ERG: variants seen among roughly 807,000 people sequenced by gnomAD.
ERG encodes the protein transcriptional regulator ERG.
Under a neutral mutation model 55.3 loss-of-function variants are expected in ERG, and 9 were observed. The observed-to-expected ratio is 0.16, with a 90% CI of 0.10 to 0.28. ERG has a LOEUF of 0.28. Ranked by LOEUF, ERG falls within the 10% of genes least tolerant of loss-of-function variation. The pLI, the probability that ERG is intolerant of heterozygous loss-of-function variation, is 1.00. For synonymous variants in ERG, 223 were observed against 237.3 expected, an observed-to-expected ratio of 0.94 and a Z score of 0.55; for missense variants, 434 against 631.6, an observed-to-expected ratio of 0.69 and a Z score of 3.35.
chr21:38,532,573 T>C (rs1037450187), intron 2 of ERG, among the ~76,000 whole-genome samples: 2 of 152,176 alleles, frequency 1.3e-5, no homozygotes, highest in African/African-American at 4.8e-5. Flanking sequence ...GAAGGAGCTT[T>C]AAGGAACTGG....
chr21:38,430,890 T>C (rs1276215288), intron 2 of ERG, among the ~76,000 whole-genome samples: 4 of 152,178 alleles, frequency 2.6e-5, no homozygotes, highest in African/African-American at 9.6e-5. Context: ...TCCATGGCAT[T>C]TGGTCATAAC....
intron 3 of ERG, among the ~76,000 whole-genome samples, chr21:38,406,314 T>C (rs1329831433): frequency 6.6e-6 from 1 of 152,208 alleles, no homozygotes; most frequent in African/African-American, 2.4e-5. Context: ...AACATGTTGT[T>C]AGTCTGTGAA....
At chr21:38,476,339 G>C (rs137931811) in intron 1 of ERG, among the ~76,000 whole-genome samples, 2,128 of 152,236 alleles carry the variant, frequency 0.014, 49 homozygotes, top group African/African-American at 0.05. Flanking sequence ...CAAGTGCCTC[G>C]CTTCAGGGGT....
chr21:38,528,217 C>T (rs28663998), intron 2 of ERG, among the ~76,000 whole-genome samples: 29,792 of 152,008 alleles, frequency 0.2, 2,951 homozygotes, highest in South Asian at 0.24. Flanking sequence ...GGATTAGGGG[C>T]CCACCCTACT....
chr21:38,382,108 A>T lies in ERG; in HGVS notation c.*1295T>A. 1 of 1,055,762 alleles carries T rather than the reference A, an allele frequency of 9.5e-7. No homozygotes were observed. Among genetic ancestry groups the T allele is most frequent in the Non-Finnish European group, 1.1e-6 (1 of 873,158 alleles). 65.4% of individuals were successfully genotyped at this position (1,055,762 alleles called of 1,614,324 possible). A position where few individuals can be genotyped will look rare whatever the true frequency, so the allele number is the denominator to read the frequency against. ...GAACTAATAACTTCATATTGTAAAC[A>T]TTAAGCATACAGAGTTAAAATTCAA... is the stretch of plus-strand genomic sequence containing the variant. On this transcript the variant is annotated 3_prime_UTR_variant, in exon 10 of 10. Transcript: ENST00000288319.
intron 1 of ERG, among the ~76,000 whole-genome samples, chr21:38,623,916 T>C (rs117394940): frequency 0.026 from 3,890 of 152,196 alleles, 78 homozygotes; most frequent in Non-Finnish European, 0.041. Flanking sequence ...GTTCATAATT[T>C]CCTCCCAAGC....
intron 1 of ERG, among the ~76,000 whole-genome samples, chr21:38,658,091 G>A (rs57208731): frequency 0.061 from 9,277 of 152,216 alleles, 684 homozygotes; most frequent in African/African-American, 0.17. Flanking sequence ...TGCTCCCTGG[G>A]AAAGCCCAAG....
intron 2 of ERG, among the ~76,000 whole-genome samples, chr21:38,504,554 T>A (rs2059446062): frequency 1.3e-5 from 2 of 152,236 alleles, no homozygotes; most frequent in Admixed American, 1.3e-4. Flanking sequence ...TTGGAAACCA[T>A]TAAATGAGTT....
At chr21:38,495,553 C>T (rs577128116) in intron 1 of ERG, among the ~76,000 whole-genome samples, 26 of 152,318 alleles carry the variant, frequency 1.7e-4, no homozygotes, top group African/African-American at 5.8e-4. Context: ...TCCCTTTTTA[C>T]ACATTAAGTA....
chr21:38,578,366 A>G (rs2836535), intron 1 of ERG, among the ~76,000 whole-genome samples: 13,531 of 152,260 alleles, frequency 0.089, 732 homozygotes, highest in Admixed American at 0.17. Flanking sequence ...AAGTACAAAG[A>G]TGGTTCCAAC....
chr21:38,482,376 C>A (rs893484188), intron 1 of ERG, among the ~76,000 whole-genome samples: 1 of 152,026 alleles, frequency 6.6e-6, no homozygotes, highest in Non-Finnish European at 1.5e-5. Context: ...TAAGTGTTGG[C>A]GAGAATGTGA....
intron 2 of ERG, among the ~76,000 whole-genome samples, chr21:38,424,445 C>T (rs192662024): frequency 3.9e-5 from 6 of 152,302 alleles, no homozygotes; most frequent in South Asian, 2.1e-4. Context: ...GCACAGAACA[C>T]GCACAAGGGA....
chr21:38,407,729 TA>T (rs1988839859), intron 3 of ERG, among the ~76,000 whole-genome samples: 1 of 146,108 alleles, frequency 6.8e-6, no homozygotes, highest in African/African-American at 2.5e-5. Flanking sequence ...AAATACTTTA[TA>T]AAAAGTATTT....
At chr21:38,574,567 C>A (rs1043734356) in intron 2 of ERG, among the ~76,000 whole-genome samples, 1 of 152,206 alleles carries the variant, frequency 6.6e-6, no homozygotes, top group African/African-American at 2.4e-5. Flanking sequence ...ATGTGAGCTG[C>A]ACATGGTCCA....
At chr21:38,615,861 GCATA>G (rs1029858200) in intron 1 of ERG, among the ~76,000 whole-genome samples, 1 of 151,952 alleles carries the variant, frequency 6.6e-6, no homozygotes, top group African/African-American at 2.4e-5. Context: ...GAGAAGAGAT[GCATA>G]CAGTCAGCTC....
rs371043321 is a variant in ERG at position 38,423,485 on chromosome 21, C to T, written c.313G>A (p.Gly105Ser). Residue 105 changes from glycine to serine, a missense_variant, in exon 3 of 10, where the codon GGC becomes AGC. By Grantham distance (56) the Gly-to-Ser change is moderately conservative. Transcript: ENST00000288319. Reference sequence around the variant, plus strand: ...ATGTGCTTCTCCTCCATGTAGCTGCCGTAGTTCATCCCAACGGTGTCTGGG... The same window carrying T: ...ATGTGCTTCTCCTCCATGTAGCTGCTGTAGTTCATCCCAACGGTGTCTGGG... ...GSPDTVGMNY[G>S]SYMEEKHMPP... 18 of 1,614,046 alleles carry T rather than the reference C, an allele frequency of 1.1e-5. No individual in the cohort carries two copies. Among genetic ancestry groups the T allele is most frequent in the Admixed American group, 5.0e-5 (3 of 59,996 alleles).
At chr21:38,606,623 T>C (rs2060198510) in intron 1 of ERG, among the ~76,000 whole-genome samples, 1 of 152,162 alleles carries the variant, frequency 6.6e-6, no homozygotes, top group African/African-American at 2.4e-5. Context: ...TTAAAATGAC[T>C]TTTTAAAAAC....
At chr21:38,456,224 C>G (rs972946960) in intron 1 of ERG, among the ~76,000 whole-genome samples, 2 of 152,174 alleles carry the variant, frequency 1.3e-5, no homozygotes, top group African/African-American at 2.4e-5. Flanking sequence ...TCCTATGCAT[C>G]CAGGTTAGAT....
intron 1 of ERG, among the ~76,000 whole-genome samples, chr21:38,581,626 G>A (rs942027363): frequency 1.3e-5 from 2 of 152,144 alleles, no homozygotes; most frequent in African/African-American, 4.8e-5. Flanking sequence ...GATCCCCAGT[G>A]GCCAGTGATT....
Sources: allele counts gnomAD v4.1 joint callset (sites outside exome capture counted in the v4.1 genomes callset), GRCh38; gene constraint gnomAD v4.1.1; transcripts MANE v1.5; gene names NCBI Gene and HGNC (gene_info 2026-07-23, HGNC 2026-07-21).